The following USP9X variants were observed in gnomAD, a reference collection of about 807,000 sequenced individuals.
The protein encoded by USP9X is ubiquitin specific peptidase 9 X-linked, also known as ubiquitin carboxyl-terminal hydrolase 9X.
A neutral mutation model predicts 190.3 loss-of-function variants in USP9X; 7 were observed. The ratio of observed to expected loss-of-function variants is 0.04; its 90% CI spans 0.02 to 0.07. The LOEUF is 0.07. Among genes scored for constraint, USP9X ranks in the 10% least tolerant of loss-of-function variants. The probability of loss-of-function intolerance (pLI) is 1.00; values close to 1 mark genes in which losing one functional copy is unlikely to be tolerated. For missense variants in USP9X, 1,010 were observed against 1,916.9 expected, an observed-to-expected ratio of 0.53 and a Z score of 8.83; for synonymous variants, 645 against 659.5, an observed-to-expected ratio of 0.98 and a Z score of 0.34.
chrX:41,150,559 A>T (rs1258950655), intron 12 of USP9X, among the ~76,000 whole-genome samples: 1 of 111,321 alleles, frequency 9.0e-6, no homozygotes, highest in African/African-American at 3.3e-5. Flanking sequence ...GGATTTTATG[A>T]TACGGTAGAA....
At chrX:41,100,157 A>G (rs1453811825) in intron 1 of USP9X, among the ~76,000 whole-genome samples, 1 of 112,159 alleles carries the variant, frequency 8.9e-6, no homozygotes, top group Non-Finnish European at 1.9e-5. Flanking sequence ...ATTGTAAATT[A>G]TAAGTTCAAT....
At chrX:41,197,332 C>CGCG in intron 28 of USP9X, 32 bp from the exon 29 acceptor site, 1 of 211,283 alleles carries the variant, frequency 4.7e-6, no homozygotes, top group Non-Finnish European at 7.8e-6. Context: ...TTGATTTCTT[C>CGCG]CCCCCCCCAC....
chrX:41,191,736 G>T (rs1569187069), intron 26 of USP9X, among the ~76,000 whole-genome samples: 4 of 111,889 alleles, frequency 3.6e-5, no homozygotes, highest in Admixed American at 9.5e-5. Context: ...GGCAGTTCTT[G>T]CACTCAAGGA....
rs2063233364 is a variant in USP9X, at chrX:41,218,586, C to T, written c.6424C>T (p.Pro2142Ser). 2 of 1,205,401 alleles carry T rather than the reference C, an allele frequency of 1.7e-6. No homozygotes were observed. The highest frequency in any genetic ancestry group is 1.1e-6 in the Non-Finnish European group (1 of 890,144). Residue 2142 changes from proline (P) to serine (S), a missense_variant, in exon 37 of 45, where the codon CCT (proline) becomes TCT (serine). Pro to Ser is a moderately conservative substitution (Grantham distance 74, BLOSUM62 -1). Transcript: ENST00000378308. ...PCPSPFASPG[P>S]SSQAYDNLSL... ...TCCTTCACCTTTTGCCTCTCCTGGA[C>T]CTTCTAGTCAGGTAATTGCACAGCT...
intron 2 of USP9X, among the ~76,000 whole-genome samples, chrX:41,128,152 G>A (rs1416944276): frequency 8.9e-6 from 1 of 112,009 alleles, no homozygotes; most frequent in African/African-American, 3.2e-5. Context: ...TTGGATAATG[G>A]TTTGGGTGTA....
At chrX:41,229,828 G>A in intron 43 of USP9X, 49 bp downstream of exon 43, 4 of 1,205,806 alleles carry the variant, frequency 3.3e-6, no homozygotes, top group Non-Finnish European at 4.5e-6. Context: ...AGAGAGCAAA[G>A]TAATTCTTTA....
intron 4 of USP9X, among the ~76,000 whole-genome samples, chrX:41,134,369 CAG>C (rs943474409): frequency 1.2e-4 from 13 of 112,035 alleles, no homozygotes; most frequent in Non-Finnish European, 2.4e-4. Flanking sequence ...TGATCAAACA[CAG>C]AATAGTATAA....
chrX:41,119,623 A>G (rs749418663), intron 1 of USP9X, among the ~76,000 whole-genome samples: 1 of 112,103 alleles, frequency 8.9e-6, no homozygotes, highest in African/African-American at 3.2e-5. Context: ...AGTAGACAAG[A>G]ATAAAGTTGA....
At chrX:41,216,695 T>A (rs373670836) in intron 35 of USP9X, 43 bp downstream of exon 35, 4 of 1,123,512 alleles carry the variant, frequency 3.6e-6, no homozygotes, top group Non-Finnish European at 3.6e-6. Flanking sequence ...TAAAGAATAA[T>A]TTATAGTAGG....
At chrX:41,192,807 A>G (rs1193784635) in intron 26 of USP9X, among the ~76,000 whole-genome samples, 1 of 111,227 alleles carries the variant, frequency 9.0e-6, no homozygotes, top group Admixed American at 9.6e-5. Context: ...GCCAAAAGGG[A>G]TGGGGGAAGA....
intron 1 of USP9X, among the ~76,000 whole-genome samples, chrX:41,115,221 CAAAAAA>C: frequency 2.3e-5 from 1 of 42,854 alleles, no homozygotes; most frequent in East Asian, 6.8e-4. Flanking sequence ...ACTCCGTCTC[CAAAAAA>C]AAAAAAAAGA....
intron 14 of USP9X, among the ~76,000 whole-genome samples, chrX:41,154,712 A>G (rs2062561221): frequency 8.9e-6 from 1 of 111,750 alleles, no homozygotes; most frequent in Non-Finnish European, 1.9e-5. Context: ...CATGACCCAA[A>G]CATATTAGCT....
intron 1 of USP9X, among the ~76,000 whole-genome samples, chrX:41,113,297 T>C (rs2146963112): frequency 9.0e-6 from 1 of 111,331 alleles, no homozygotes; most frequent in East Asian, 2.8e-4. Flanking sequence ...GCCTCCTGGG[T>C]TCACACCATT....
At chrX:41,147,693 T>A (rs1306603071) in intron 11 of USP9X, among the ~76,000 whole-genome samples, 1 of 111,661 alleles carries the variant, frequency 9.0e-6, no homozygotes. Flanking sequence ...CCTCAGGTAA[T>A]CTACCTGCCT....
Position 41,134,779 on chromosome X carries a change from T to C in USP9X, c.377T>C (p.Ile126Thr). 8.3e-7 allele frequency: 1 copy of C among 1,211,359 alleles called. No homozygotes were observed. Among genetic ancestry groups the C allele is most frequent in the Non-Finnish European group, 1.1e-6 (1 of 895,181 alleles). ...CQRFFRDGLT[I>T]SFTKILTDEA... ...CGATTTTTCCGTGATGGGCTAACAATATCATTCACTAAAATTCTTACAGAT... is the reference window on the plus strand; with the variant it reads ...CGATTTTTCCGTGATGGGCTAACAACATCATTCACTAAAATTCTTACAGAT... Residue 126 changes from isoleucine to threonine, a missense_variant, in exon 5 of 45, where the codon ATA (isoleucine) becomes ACA (threonine). Around this residue, in one of 11 missense-constraint regions of USP9X, gnomAD observed 176 missense variants for 247.5 expected, o/e 0.71. Transcript: ENST00000378308.
At chrX:41,170,782 T>C (rs1216456979) in intron 20 of USP9X, among the ~76,000 whole-genome samples, 163 bp downstream of exon 20, 3 of 112,133 alleles carry the variant, frequency 2.7e-5, no homozygotes, top group Non-Finnish European at 5.6e-5. Context: ...CTCTAAAAGG[T>C]AATTGTAACA....
intron 1 of USP9X, among the ~76,000 whole-genome samples, chrX:41,118,273 C>T (rs2062165283): frequency 9.0e-6 from 1 of 111,164 alleles, no homozygotes; most frequent in Non-Finnish European, 1.9e-5. Context: ...GCGCTGTACC[C>T]CTTAAGCAAT....
Position 41,085,801 on chromosome X carries a change from C to T in USP9X, c.-467C>T. 1 of 298,789 alleles carries T rather than the reference C, an allele frequency of 3.3e-6. No homozygotes were observed. The highest frequency in any genetic ancestry group is 1.9e-4 in the South Asian group (1 of 5,176). The allele number at this position is 298,789 out of a possible 1,213,427, so 24.6% of individuals were successfully genotyped here. On this transcript the variant is annotated 5_prime_UTR_variant, in exon 1 of 45. Transcript: ENST00000378308. Reference sequence around the variant, plus strand: ...GGTGACGCAGGAGAAACGCACCGCCCGGAGCCCGTCTGAGCTCAGCGAGAG... The same window carrying T: ...GGTGACGCAGGAGAAACGCACCGCCTGGAGCCCGTCTGAGCTCAGCGAGAG...
chrX:41,122,986 G>A (rs756307797), intron 1 of USP9X, among the ~76,000 whole-genome samples: 20 of 110,918 alleles, frequency 1.8e-4, no homozygotes, highest in African/African-American at 4.9e-4. Context: ...TGGGGCTTGG[G>A]GTTTATATGG....
Sources: gnomAD v4.1 joint callset for allele counts (sites outside exome capture counted in the v4.1 genomes callset) on GRCh38, gnomAD v4.1.1 for gene constraint, gnomAD v4.1.1 regional missense constraint, MANE v1.5 for transcripts, NCBI Gene and HGNC (gene_info 2026-07-23, HGNC 2026-07-21) for gene names.